PPP1R7: variants seen among roughly 807,000 people sequenced by gnomAD.
The protein encoded by PPP1R7 is protein phosphatase 1 regulatory subunit 22.
A neutral mutation model predicts 45.2 loss-of-function variants in PPP1R7; 18 were observed. The ratio of observed to expected loss-of-function variants is 0.40; its 90% CI spans 0.28 to 0.59. The LOEUF (loss-of-function observed/expected upper bound fraction) is 0.59. Among genes scored for constraint, PPP1R7 ranks in the 20% least tolerant of loss-of-function variants. PPP1R7 has a pLI of 0.46. For synonymous variants in PPP1R7, 181 were observed against 183.4 expected (o/e 0.99, Z 0.11); for missense variants, 314 against 455.8 (o/e 0.69, Z 2.83).
chr2:241,163,221 CCTGCTGG>C, intron 6 of PPP1R7, 57 bp from the exon 7 acceptor site: 1 of 1,098,694 alleles, frequency 9.1e-7, no homozygotes, highest in Non-Finnish European at 1.4e-6. Context: ...GGTCCAGGCA[CCTGCTGG>C]CTGCCTGGGG....
At chr2:241,149,718 G>T, upstream of PPP1R7, 1 of 1,549,982 alleles carries the variant, frequency 6.5e-7, no homozygotes. Flanking sequence ...GGTGAGTAGC[G>T]CAGAGCTCGC....
Position 241,182,955 on chromosome 2 carries a change from C to T in PPP1R7, c.*132C>T, listed in dbSNP as rs1391895098. 7.7e-6 allele frequency: 8 copies of T among 1,034,524 alleles called. No homozygotes were observed. The highest frequency in any genetic ancestry group is 1.6e-5 in the African/African-American group (1 of 61,906). 64.1% of individuals were successfully genotyped at this position (1,034,524 alleles called of 1,614,324 possible). A position where few individuals can be genotyped will look rare whatever the true frequency, so the allele number is the denominator to read the frequency against. Reference sequence around the variant, plus strand: ...AACCCAATGGCAATAAAGGCACTGACGATAGCTGGCGCGCGCGACGTCACA... The same window carrying T: ...AACCCAATGGCAATAAAGGCACTGATGATAGCTGGCGCGCGCGACGTCACA... On this transcript the variant is annotated 3_prime_UTR_variant, in exon 10 of 10. Transcript: ENST00000234038.
chr2:241,180,754 T>C (rs1453020545), intron 9 of PPP1R7, among the ~76,000 whole-genome samples: 1 of 151,996 alleles, frequency 6.6e-6, no homozygotes, highest in Non-Finnish European at 1.5e-5. Flanking sequence ...ATGGAGGCAC[T>C]GGTCGGGACA....
chr2:241,151,232 C>T (rs958193821), intron 1 of PPP1R7, among the ~76,000 whole-genome samples: 3 of 152,212 alleles, frequency 2.0e-5, no homozygotes, highest in African/African-American at 7.2e-5. Context: ...AAAATGCGTG[C>T]ACACACCCAC....
chr2:241,150,641 C>T, intron 1 of PPP1R7, 94 bp downstream of exon 1: 1 of 1,360,872 alleles, frequency 7.3e-7, no homozygotes, highest in Non-Finnish European at 9.5e-7. Context: ...ACTCCACGTC[C>T]TGCCTCTGGC....
At chr2:241,181,857 G>A (rs888672370) in intron 9 of PPP1R7, among the ~76,000 whole-genome samples, 7 of 152,170 alleles carry the variant, frequency 4.6e-5, no homozygotes, top group Admixed American at 1.3e-4. Context: ...CCCTGAGGCC[G>A]GGCAGCTCTG....
chr2:241,158,813 G>T lies in PPP1R7; in HGVS notation c.303+264G>T. 6.0e-6 allele frequency: 3 copies of T among 500,412 alleles called. 1 individual carries two copies. In the South Asian group the frequency reaches 8.7e-5, roughly 15 times the overall value. The allele number at this position is 500,412 out of a possible 1,614,324, so 31.0% of individuals were successfully genotyped here. On this transcript the variant is annotated intron_variant, in intron 4 of 9. Coordinates refer to ENST00000234038, the MANE Select transcript of PPP1R7 (RefSeq NM_002712.3). ...GACTCTGGCCTGCCTCGGTTTCTGT[G>T]CCTGTGTTCAATTAGGCACTCGCTG... is the stretch of plus-strand genomic sequence containing the variant.
At chr2:241,159,525 TC>T (rs1237756863) in intron 5 of PPP1R7, among the ~76,000 whole-genome samples, 182 bp downstream of exon 5, 1 of 152,190 alleles carries the variant, frequency 6.6e-6, no homozygotes, top group East Asian at 1.9e-4. Context: ...CCAGGAGGCC[TC>T]ATCGGCTTCA....
Position 241,169,117 on chromosome 2 carries a change from A to G in PPP1R7, c.820-664A>G, listed in dbSNP as rs2067771007. On this transcript the variant is annotated intron_variant, in intron 8 of 9. Transcript: ENST00000234038. ...TCAGAGTAGAAGATCCTAAAAACACACTCTTGTCTCCCAGTGGGGGCACAC... is the reference window on the plus strand; with the variant it reads ...TCAGAGTAGAAGATCCTAAAAACACGCTCTTGTCTCCCAGTGGGGGCACAC... Among the ~76,000 whole-genome samples the G allele has an allele frequency of 2.0e-5, 3 of 152,084 alleles. No individual in the cohort carries two copies. In the South Asian group the frequency reaches 6.2e-4, roughly 32 times the overall value.
intron 6 of PPP1R7, among the ~76,000 whole-genome samples, chr2:241,163,048 G>GAA (rs1227367693): frequency 6.6e-6 from 1 of 152,124 alleles, no homozygotes; most frequent in Non-Finnish European, 1.5e-5. Context: ...TTCTGAGACT[G>GAA]TTCCTCAGCA....
At chr2:241,150,271 A>AC (rs2067223265), upstream of PPP1R7, 1 of 1,320,578 alleles carries the variant, frequency 7.6e-7, no homozygotes, top group African/African-American at 1.5e-5. Flanking sequence ...TCTCGCCTCC[A>AC]GACTGTTCCG....
chr2:241,153,027 G>A (rs947533254), intron 1 of PPP1R7, among the ~76,000 whole-genome samples: 1 of 152,102 alleles, frequency 6.6e-6, no homozygotes, highest in Non-Finnish European at 1.5e-5. Context: ...TCAGAACGTG[G>A]GCCTGTGAAC....
intron 3 of PPP1R7, 22 bp from the exon 4 acceptor site, chr2:241,158,462 A>C: frequency 6.2e-7 from 1 of 1,612,412 alleles, no homozygotes; most frequent in Non-Finnish European, 8.5e-7. Flanking sequence ...ATAGCTGAGT[A>C]TAGATTTCTG....
At chr2:241,178,646 G>T (rs1274184176) in intron 9 of PPP1R7, among the ~76,000 whole-genome samples, 1 of 85,440 alleles carries the variant, frequency 1.2e-5, no homozygotes, top group Non-Finnish European at 2.4e-5. Flanking sequence ...TTTTTTAGAC[G>T]GAGTCTGGCT....
rs989702904 is a variant in PPP1R7, at chr2:241,150,546, G to T, written c.51G>T (p.Glu17Asp). 2 of 1,594,256 alleles carry T rather than the reference G, an allele frequency of 1.3e-6. No individual in the cohort carries two copies. Among genetic ancestry groups the T allele is most frequent in the Admixed American group, 1.7e-5 (1 of 58,432 alleles). Residue 17 changes from glutamate (E) to aspartate (D), a missense_variant and splice_region_variant, in exon 1 of 10, where the codon GAG (glutamate) becomes GAT (aspartate). By Grantham distance (45) the Glu-to-Asp change is conservative. Coordinates refer to ENST00000234038, the MANE Select transcript of PPP1R7 (RefSeq NM_002712.3). Reference sequence around the variant, plus strand: ...AGCAACAGTCGCAGGAGATGATGGAGGGTGAGCGGCCCCTGCGGGCGGCGG... The same window carrying T: ...AGCAACAGTCGCAGGAGATGATGGATGGTGAGCGGCCCCTGCGGGCGGCGG... ...AGQQQSQEMM[E>D]VDRRVESEES...
chr2:241,154,179 C>CAAAAA (rs1167747738), intron 2 of PPP1R7, among the ~76,000 whole-genome samples: 3 of 50,480 alleles, frequency 5.9e-5, no homozygotes, highest in South Asian at 2.1e-3. Context: ...TACTCCTTCT[C>CAAAAA]AAAAAAAAAA....
intron 6 of PPP1R7, among the ~76,000 whole-genome samples, chr2:241,162,648 C>T (rs1199727256): frequency 6.6e-6 from 1 of 151,594 alleles, no homozygotes; most frequent in Non-Finnish European, 1.5e-5. Context: ...GTGCCCCGTA[C>T]CTCTCTTCTG....
intron 8 of PPP1R7, 92 bp from the exon 9 acceptor site, chr2:241,169,689 C>A (rs2067780873): frequency 1.9e-6 from 2 of 1,053,554 alleles, no homozygotes; most frequent in African/African-American, 3.1e-5. Context: ...GCACCTGCAG[C>A]CCTAAGGTCA....
rs917372684 is a variant in PPP1R7, at chr2:241,160,382, A to G, written c.485A>G (p.Lys162Arg). The G allele has an allele frequency of 2.5e-6, 4 of 1,612,866 alleles. No individual in the cohort carries two copies. The African/African-American group carries it at 4.0e-5, about 16-fold the overall frequency. The change falls in exon 6 of 10, where the codon AAG becomes AGG. Residue 162 changes from lysine to arginine, a missense_variant. Lys to Arg is a conservative substitution (Grantham distance 26). This residue lies in a region of PPP1R7 where 168 missense variants were observed against 285.3 expected (regional missense o/e 0.59). Transcript: ENST00000234038. ...NLLRNIEGVD[K>R]LTRLKKLFLV... ...CTGAGAAACATCGAAGGGGTTGACA[A>G]GTTGACACGACTGAAAAAACTCTTC...
Sources: gnomAD v4.1 joint callset for allele counts (sites outside exome capture counted in the v4.1 genomes callset) on GRCh38, gnomAD v4.1.1 for gene constraint, gnomAD v4.1.1 regional missense constraint, MANE v1.5 for transcripts, NCBI Gene and HGNC (gene_info 2026-07-23, HGNC 2026-07-21) for gene names.